The following ZNF385D variants were observed in gnomAD, a reference collection of about 807,000 sequenced individuals.
The protein encoded by ZNF385D is zinc finger protein 659.
In ZNF385D, 15 loss-of-function variants were observed where a neutral mutation model predicts 35.8. That is an observed-to-expected ratio of 0.42 (90% CI 0.28 to 0.64). The LOEUF (loss-of-function observed/expected upper bound fraction) is 0.64. ZNF385D is among the 30% of genes least tolerant of loss of function. The pLI, the probability that ZNF385D is intolerant of heterozygous loss-of-function variation, is 0.23. For missense variants in ZNF385D, 474 were observed against 494.6 expected (o/e 0.96, Z 0.39); for synonymous variants, 212 against 186.8 (o/e 1.13, Z -1.10).
intron 1 of ZNF385D, among the ~76,000 whole-genome samples, chr3:21,734,953 T>C: frequency 6.6e-6 from 1 of 152,142 alleles, no homozygotes; most frequent in East Asian, 1.9e-4. Flanking sequence ...GACTTGATCA[T>C]GCCTTTGGGA....
rs900781549 is a variant in ZNF385D at position 21,414,048 on chromosome 3, G to T, written c.*7166C>A. On this transcript the variant is annotated 3_prime_UTR_variant, in exon 8 of 8. Transcript: ENST00000281523. ...AAATTTTCCCCGACTGACCACTCTTGGTAGTCGATTTAAAATTTGTTGTAA... is the reference window on the plus strand; with the variant it reads ...AAATTTTCCCCGACTGACCACTCTTTGTAGTCGATTTAAAATTTGTTGTAA... The T allele has an allele frequency of 6.6e-6, 1 of 151,872 alleles. No homozygotes were observed. Among genetic ancestry groups the T allele is most frequent in the African/African-American group, 2.4e-5 (1 of 41,350 alleles). The allele number at this position is 151,872 out of a possible 1,614,324, so 9.4% of individuals were successfully genotyped here.
At chr3:21,932,567 T>C (rs1362823603) in intron 3 of ZNF385D, among the ~76,000 whole-genome samples, 1 of 152,086 alleles carries the variant, frequency 6.6e-6, no homozygotes. Flanking sequence ...TTACTTTATG[T>C]GGCTGATTAC....
chr3:22,265,320 A>T (rs1241189495), intron 2 of ZNF385D, among the ~76,000 whole-genome samples: 3 of 152,008 alleles, frequency 2.0e-5, no homozygotes, highest in Non-Finnish European at 4.4e-5. Context: ...ACCAGTTTCT[A>T]CTGCTGTAAT....
intron 3 of ZNF385D, among the ~76,000 whole-genome samples, chr3:21,768,458 A>C (rs1319824994): frequency 6.6e-6 from 1 of 151,826 alleles, no homozygotes; most frequent in Non-Finnish European, 1.5e-5. Flanking sequence ...CTCTTTTGGA[A>C]CTCTGGAGTC....
chr3:21,811,319 G>A lies in ZNF385D; in HGVS notation c.326-146291C>T, dbSNP rs570340823. Among the ~76,000 whole-genome samples, 3 of 152,132 alleles carry A rather than the reference G, an allele frequency of 2.0e-5. No homozygotes were observed. In the South Asian group the frequency reaches 6.2e-4, roughly 32 times the overall value. On this transcript the variant is annotated intron_variant, in intron 3 of 5. Coordinates refer to the ZNF385D transcript ENST00000494108. Reference sequence around the variant, plus strand: ...ACGTAGAGAAACCAGAACTTTTTGGGAAAATTGCTGAATTTCAGGACTGGG... The same window carrying A: ...ACGTAGAGAAACCAGAACTTTTTGGAAAAATTGCTGAATTTCAGGACTGGG...
At chr3:21,788,822 G>A (rs2071805315) in intron 3 of ZNF385D, among the ~76,000 whole-genome samples, 1 of 152,178 alleles carries the variant, frequency 6.6e-6, no homozygotes, top group Admixed American at 6.5e-5. Context: ...TCCAACAACT[G>A]TAGAAGTTCA....
chr3:22,104,115 T>C (rs1359408243), intron 3 of ZNF385D, among the ~76,000 whole-genome samples: 1 of 152,108 alleles, frequency 6.6e-6, no homozygotes, highest in Non-Finnish European at 1.5e-5. Flanking sequence ...TGTCCATGTA[T>C]TATTCAAGTT....
intron 3 of ZNF385D, among the ~76,000 whole-genome samples, chr3:21,952,517 T>G (rs1379674020): frequency 6.6e-6 from 1 of 152,040 alleles, no homozygotes; most frequent in East Asian, 1.9e-4. Context: ...GGCCTGGGTT[T>G]AAGTCCTGAT....
At chr3:21,636,378 T>A (rs1293057330) in intron 2 of ZNF385D, among the ~76,000 whole-genome samples, 4 of 47,994 alleles carry the variant, frequency 8.3e-5, no homozygotes, top group East Asian at 5.6e-4. Context: ...ATATATATGA[T>A]TATATATATA....
At chr3:21,951,734 G>A (rs1485337877) in intron 3 of ZNF385D, among the ~76,000 whole-genome samples, 1 of 151,472 alleles carries the variant, frequency 6.6e-6, no homozygotes, top group East Asian at 1.9e-4. Flanking sequence ...TATACATACT[G>A]AAATAAACCC....
At chr3:22,211,785 G>A (rs1697542991) in intron 2 of ZNF385D, among the ~76,000 whole-genome samples, 1 of 151,904 alleles carries the variant, frequency 6.6e-6, no homozygotes. Context: ...ACTACACTCT[G>A]AGACTTTACT....
intron 3 of ZNF385D, among the ~76,000 whole-genome samples, chr3:22,098,890 A>C (rs1406397698): frequency 6.6e-6 from 1 of 152,112 alleles, no homozygotes; most frequent in Non-Finnish European, 1.5e-5. Flanking sequence ...CCCTGGAAAA[A>C]AAATGGCATT....
chr3:21,955,583 T>C (rs1446271077), intron 3 of ZNF385D, among the ~76,000 whole-genome samples: 10 of 152,154 alleles, frequency 6.6e-5, no homozygotes, highest in Admixed American at 1.3e-4. Flanking sequence ...GAAACATTAC[T>C]TGCGGTGCCA....
At chr3:22,156,570 G>C (rs1169774359) in intron 3 of ZNF385D, among the ~76,000 whole-genome samples, 3 of 152,044 alleles carry the variant, frequency 2.0e-5, no homozygotes, top group African/African-American at 7.2e-5. Flanking sequence ...ACTTTGATGA[G>C]TCTCTTGGGC....
At chr3:21,453,665 G>A (rs1702606248) in intron 4 of ZNF385D, among the ~76,000 whole-genome samples, 1 of 151,840 alleles carries the variant, frequency 6.6e-6, no homozygotes, top group Non-Finnish European at 1.5e-5. Context: ...CAACCACTAG[G>A]ATGGCTATAA....
At chr3:21,541,928 C>A (rs1050530087) in intron 3 of ZNF385D, among the ~76,000 whole-genome samples, 2 of 152,116 alleles carry the variant, frequency 1.3e-5, no homozygotes, top group African/African-American at 4.8e-5. Flanking sequence ...GTATATCCAG[C>A]AATTTGTGGG....
At chr3:21,593,992 G>A (rs917201548) in intron 2 of ZNF385D, among the ~76,000 whole-genome samples, 2 of 152,008 alleles carry the variant, frequency 1.3e-5, no homozygotes, top group African/African-American at 2.4e-5. Context: ...TGGTTATACT[G>A]AAACAGTTAA....
rs766661809 is a variant in ZNF385D, at chr3:22,293,503, T to TCTC, written c.106+78944_106+78946dup. Among the ~76,000 whole-genome samples the TCTC allele has an allele frequency of 9.9e-5, 15 of 152,220 alleles. 1 individual carries two copies. The highest frequency in any genetic ancestry group is 7.2e-4 in the Admixed American group (11 of 15,262). On this transcript the variant is annotated intron_variant, in intron 2 of 5. Transcript: ENST00000494108. ...GTTCAATGATGCCCTCTAGCAATAC[T>TCTC]CTCCTTACAAGCTAATTATAGCAGT...
At chr3:22,004,430 T>C (rs1339633161) in intron 3 of ZNF385D, among the ~76,000 whole-genome samples, 2 of 152,034 alleles carry the variant, frequency 1.3e-5, no homozygotes, top group African/African-American at 2.4e-5. Flanking sequence ...AATAGACAAA[T>C]GAGATTATAT....
Sources: gnomAD v4.1 joint callset for allele counts (sites outside exome capture counted in the v4.1 genomes callset) on GRCh38, gnomAD v4.1.1 for gene constraint, MANE v1.5 for transcripts, NCBI Gene and HGNC (gene_info 2026-07-23, HGNC 2026-07-21) for gene names.